AGRN: variants seen among roughly 807,000 people sequenced by gnomAD.
AGRN encodes agrin.
In AGRN, 106 loss-of-function variants were observed where a neutral mutation model predicts 211.0. That is an observed-to-expected ratio of 0.50 (90% confidence interval 0.43 to 0.59). The LOEUF (loss-of-function observed/expected upper bound fraction) is 0.59. AGRN is among the 20% of genes least tolerant of loss of function. The probability of loss-of-function intolerance (pLI) is 0.00; values close to 1 mark genes in which losing one functional copy is unlikely to be tolerated. For synonymous variants in AGRN, 1,525 were observed against 1,332.5 expected (o/e 1.14, Z -3.15); for missense variants, 3,040 against 2,982.6 (o/e 1.02, Z -0.45).
Position 1,044,123 on chromosome 1 carries a change from G to C in AGRN, c.2014G>C (p.Gly672Arg). 6.2e-7 allele frequency: 1 copy of C among 1,613,254 alleles called. No homozygotes were observed. Among genetic ancestry groups the C allele is most frequent in the Non-Finnish European group, 8.5e-7 (1 of 1,179,926 alleles). The change falls in exon 11 of 36, where the codon GGA becomes CGA. Residue 672 changes from glycine (G) to arginine (R), a missense_variant. Around this residue, in one of 3 missense-constraint regions of AGRN, gnomAD observed 1,498 missense variants for 1,457.8 expected, o/e 1.03. Coordinates refer to ENST00000379370, the MANE Select transcript of AGRN (RefSeq NM_198576.4). The stretch of plus-strand genomic sequence containing the variant: ...CTTCCCCGCAGCCGAGTGCGGTTCC[G>C]GAGGCTCTGGCTCTGGGGAGGACGG... ...GPCEQAECGS[G>R]GSGSGEDGDC...
rs548407819 is a variant in AGRN, at chr1:1,037,608, A to G, written c.511+2284A>G. On this transcript the variant is annotated intron_variant, in intron 3 of 35. Transcript: ENST00000379370. ...GGGTGGGGAGGCCGAGTGGCCGGGG[A>G]GGGGCTCCTGCAGGAGGTGGAGCTA... is the stretch of plus-strand genomic sequence containing the variant. 4.2e-3 allele frequency among the ~76,000 whole-genome samples: 615 copies of G among 145,448 alleles called. 5 individuals are homozygous for G. Among genetic ancestry groups the G allele is most frequent in the African/African-American group, 0.015 (597 of 40,436 alleles).
rs1491461313 is a variant in AGRN, at chr1:1,030,142, CAT to C, written c.464-5134_464-5133del. 9.4e-4 allele frequency among the ~76,000 whole-genome samples: 7 copies of C among 7,464 alleles called. 1 individual carries two copies. Among genetic ancestry groups the C allele is most frequent in the Non-Finnish European group, 1.5e-3 (4 of 2,732 alleles). The allele number at this position is 7,464 out of a possible 152,430, so 4.9% of individuals were successfully genotyped here. ...GCAGTGCATGGTGCTGTGAGATCAG[CAT>C]GTGTGTGTGTGTGTGTGCAGTGCAT... On this transcript the variant is annotated intron_variant, in intron 2 of 35. Transcript: ENST00000379370.
In AGRN at chr1:1,020,392, C is replaced by T. The variant is rs780017933; in HGVS notation, c.201+19C>T. Reference sequence around the variant, plus strand: ...CTGCAAGGTGCGCCCACCCGGACCCCGGCCTCCCCTCGCGACGCCTGCCGC... The same window carrying T: ...CTGCAAGGTGCGCCCACCCGGACCCTGGCCTCCCCTCGCGACGCCTGCCGC... On this transcript the variant is annotated intron_variant, in intron 1 of 35. Coordinates refer to ENST00000379370, the MANE Select transcript of AGRN (RefSeq NM_198576.4). 74 of 1,489,608 alleles carry T rather than the reference C, an allele frequency of 5.0e-5. No individual in the cohort carries two copies. The South Asian group carries it at 7.3e-4, about 15-fold the overall frequency. 92.3% of individuals were successfully genotyped at this position (1,489,608 alleles called of 1,614,324 possible).
rs1451152466 is a variant in AGRN, at chr1:1,055,156, G to C, written c.*175G>C. 1 of 1,061,100 alleles carries C rather than the reference G, an allele frequency of 9.4e-7. No individual in the cohort carries two copies. Among genetic ancestry groups the C allele is most frequent in the African/African-American group, 1.6e-5 (1 of 63,078 alleles). 65.7% of individuals were successfully genotyped at this position (1,061,100 alleles called of 1,614,324 possible). On this transcript the variant is annotated 3_prime_UTR_variant, in exon 36 of 36. Transcript: ENST00000379370. ...TAGTGCCGAGGGATGGACAGGCGAG[G>C]TGGCAGCGTGGAGGGCTCGGCGTGG...
chr1:1,034,938 C>A lies in AGRN; in HGVS notation c.464-339C>A, dbSNP rs1053768704. 113 of 432,894 alleles carry A rather than the reference C, an allele frequency of 2.6e-4. 2 individuals carry two copies. The highest frequency in any genetic ancestry group is 1.1e-4 in the Non-Finnish European group (26 of 237,962). The allele number at this position is 432,894 out of a possible 1,614,324, so 26.8% of individuals were successfully genotyped here. Reference sequence around the variant, plus strand: ...GCGGGAGCTGGGGAGGGAGGGGCAGCCGGCTACACTGAGAGCCGGCAGTTG... The same window carrying A: ...GCGGGAGCTGGGGAGGGAGGGGCAGACGGCTACACTGAGAGCCGGCAGTTG... On this transcript the variant is annotated intron_variant, in intron 2 of 35. Transcript: ENST00000379370.
rs1261462137 is a variant in AGRN, at chr1:1,042,020, C to T, written c.1242C>T (p.Cys414=). 6.2e-7 allele frequency: 1 copy of T among 1,610,888 alleles called. No individual in the cohort carries two copies. Among genetic ancestry groups the T allele is most frequent in the Non-Finnish European group, 8.5e-7 (1 of 1,179,658 alleles). ...VCLSRRGRPR[C]SCDRVTCDGA... is the part of the protein sequence containing the mutation. ...TGTCCCGCCGTGGCCGTCCCCGCTG[C>T]TCCTGCGACCGCGTCACCTGTGACG... is the stretch of plus-strand genomic sequence containing the variant. Residue 414 remains cysteine, a synonymous_variant, in exon 7 of 36, where the codon TGC becomes TGT. Coordinates refer to ENST00000379370, the MANE Select transcript of AGRN (RefSeq NM_198576.4).
intron 2 of AGRN, among the ~76,000 whole-genome samples, chr1:1,026,635 C>T (rs774116264): frequency 2.0e-5 from 3 of 151,918 alleles, no homozygotes; most frequent in Admixed American, 6.5e-5. Context: ...CGGACCCCCT[C>T]CCTGCAGTCC....
At chr1:1,043,492 GGAGA>G in intron 8 of AGRN, 35 bp downstream of exon 8, 2 of 1,601,450 alleles carry the variant, frequency 1.2e-6, no homozygotes, top group South Asian at 2.2e-5. Flanking sequence ...TGGGGGTCGG[GGAGA>G]GAGAGGTTCC....
intron 2 of AGRN, chr1:1,034,929 G>A (rs1024993037): frequency 2.4e-6 from 1 of 425,096 alleles, no homozygotes; most frequent in African/African-American, 2.0e-5. Context: ...GCTGGGGAGG[G>A]AGGGGCAGCC....
At chr1:1,040,596 G>A in intron 3 of AGRN, 69 bp from the exon 4 acceptor site, 1 of 1,521,850 alleles carries the variant, frequency 6.6e-7, no homozygotes, top group Non-Finnish European at 8.9e-7. Flanking sequence ...GCACGGCAAG[G>A]TCTCTCAGGC....
chr1:1,022,473 G>A lies in AGRN; in HGVS notation c.463+11G>A, dbSNP rs1321159507. ...AGTTCTGTGTGGAAGGTGCGTGGTGGGGGGCTCGTGTGGGGGCCTGTGGGG... is the reference window on the plus strand; with the variant it reads ...AGTTCTGTGTGGAAGGTGCGTGGTGAGGGGCTCGTGTGGGGGCCTGTGGGG... On this transcript the variant is annotated intron_variant, in intron 2 of 35. Transcript: ENST00000379370. 6.2e-7 allele frequency: 1 copy of A among 1,601,606 alleles called. No homozygotes were observed. Among genetic ancestry groups the A allele is most frequent in the Non-Finnish European group, 8.5e-7 (1 of 1,172,252 alleles).
intron 34 of AGRN, 67 bp from the exon 35 acceptor site, chr1:1,054,381 G>A: frequency 4.3e-6 from 6 of 1,388,852 alleles, no homozygotes; most frequent in African/African-American, 1.4e-5. Context: ...AGGATGCAGG[G>A]CTTATGGTCT....
intron 34 of AGRN, among the ~76,000 whole-genome samples, chr1:1,054,187 C>G (rs1645389908): frequency 6.6e-6 from 1 of 152,248 alleles, no homozygotes; most frequent in Non-Finnish European, 1.5e-5. Context: ...CCCGGCCCTG[C>G]CCGGAGCCTG....
chr1:1,034,789 C>T (rs1644761229), intron 2 of AGRN: 1 of 901,616 alleles, frequency 1.1e-6, no homozygotes, highest in African/African-American at 1.8e-5. Flanking sequence ...GCGGCGGGTC[C>T]GCGGGGCTCC....
At chr1:1,052,451 GC>G in intron 33 of AGRN, 1 of 292,570 alleles carries the variant, frequency 3.4e-6, no homozygotes, top group Non-Finnish European at 6.7e-6. Flanking sequence ...TGACTATGCG[GC>G]CGTGTGTGTG....
At chr1:1,045,690 G>A (rs568555926) in intron 14 of AGRN, 43 bp from the exon 15 acceptor site, 21 of 1,612,958 alleles carry the variant, frequency 1.3e-5, no homozygotes, top group South Asian at 6.6e-5. Context: ...GGGGAAGCCC[G>A]TCCAGGTGCG....
intron 25 of AGRN, 25 bp downstream of exon 25, chr1:1,049,476 GC>G: frequency 6.2e-7 from 1 of 1,600,378 alleles, no homozygotes; most frequent in Non-Finnish European, 8.5e-7. Context: ...GGGTGGTGTG[GC>G]CCCGACCCCG....
chr1:1,050,060 G>T (rs746573776), intron 27 of AGRN, 23 bp downstream of exon 27: 1 of 1,488,140 alleles, frequency 6.7e-7, no homozygotes, highest in South Asian at 1.2e-5. Context: ...GGGCTCTCGG[G>T]GCAGGGGGGG....
In AGRN at chr1:1,035,343, G is replaced by C. The variant is rs200933570; in HGVS notation, c.511+19G>C. On this transcript the variant is annotated intron_variant, in intron 3 of 35. Transcript: ENST00000379370. ...CCTGATGGTGAGTAGGGCTGAGTTCGGGGGACCTGGATGGGCTGTGGCACT... is the reference window on the plus strand; with the variant it reads ...CCTGATGGTGAGTAGGGCTGAGTTCCGGGGACCTGGATGGGCTGTGGCACT... The C allele has an allele frequency of 1.9e-6, 3 of 1,612,934 alleles. No individual in the cohort carries two copies. The highest frequency in any genetic ancestry group is 2.5e-6 in the Non-Finnish European group (3 of 1,179,912).
Sources: gnomAD v4.1 joint callset for allele counts (sites outside exome capture counted in the v4.1 genomes callset) on GRCh38, gnomAD v4.1.1 for gene constraint, gnomAD v4.1.1 regional missense constraint, MANE v1.5 for transcripts, NCBI Gene and HGNC (gene_info 2026-07-23, HGNC 2026-07-21) for gene names.